Variants in NAV1 observed in about 807,000 individuals in gnomAD.
NAV1 encodes neuron navigator 1, also known as pore membrane and/or filament interacting like protein 3.
A neutral mutation model predicts 175.2 loss-of-function variants in NAV1; 18 were observed. That is an observed-to-expected ratio of 0.10 (90% CI 0.07 to 0.15). NAV1 has a LOEUF of 0.15. NAV1 is among the 10% of genes least tolerant of loss of function. The probability of loss-of-function intolerance (pLI) is 1.00; values close to 1 mark genes in which losing one functional copy is unlikely to be tolerated. For missense variants in NAV1, 1,731 were observed against 2,436.6 expected (o/e 0.71, Z 6.10); for synonymous variants, 897 against 978.7 (o/e 0.92, Z 1.56).
At chr1:201,744,222 C>T (rs1673617983) in intron 3 of NAV1, among the ~76,000 whole-genome samples, 1 of 152,234 alleles carries the variant, frequency 6.6e-6, no homozygotes, top group Non-Finnish European at 1.5e-5. Flanking sequence ...GTTCATTTAA[C>T]CTTTCCTCCC....
intron 3 of NAV1, among the ~76,000 whole-genome samples, chr1:201,767,251 G>A (rs1675264288): frequency 6.6e-6 from 1 of 151,908 alleles, no homozygotes; most frequent in South Asian, 2.1e-4. Context: ...AGGAGTTTGA[G>A]ACCAGCCTGG....
intron 16 of NAV1, chr1:201,803,915 CT>C: frequency 1.6e-6 from 1 of 642,558 alleles, no homozygotes; most frequent in South Asian, 1.6e-5. Flanking sequence ...AAGGCCACCC[CT>C]CTGACCTTTA....
At chr1:201,722,187 T>C (rs956703524) in intron 3 of NAV1, among the ~76,000 whole-genome samples, 1 of 152,184 alleles carries the variant, frequency 6.6e-6, no homozygotes, top group Non-Finnish European at 1.5e-5. Context: ...TGTGTAACCA[T>C]CATCACGTCC....
intron 1 of NAV1, among the ~76,000 whole-genome samples, chr1:201,664,459 T>C (rs982598885): frequency 1.3e-5 from 2 of 152,258 alleles, no homozygotes; most frequent in Non-Finnish European, 2.9e-5. Context: ...AAATAATATC[T>C]GTCTCATAGG....
chr1:201,774,619 C>T (rs1373763017), intron 3 of NAV1, among the ~76,000 whole-genome samples: 3 of 152,010 alleles, frequency 2.0e-5, no homozygotes, highest in Non-Finnish European at 2.9e-5. Context: ...AGCAAGACCC[C>T]ATCTCAAAAA....
chr1:201,674,898 G>T (rs902306752), intron 1 of NAV1, among the ~76,000 whole-genome samples: 4 of 151,966 alleles, frequency 2.6e-5, no homozygotes, highest in African/African-American at 9.7e-5. Flanking sequence ...CACATAGCTG[G>T]GTGTGGTGGC....
intron 1 of NAV1, among the ~76,000 whole-genome samples, chr1:201,556,574 A>G (rs1666022149): frequency 6.6e-6 from 1 of 152,112 alleles, no homozygotes; most frequent in South Asian, 2.1e-4. Context: ...GGCTTGCAGG[A>G]ATTAAGTCAG....
At chr1:201,645,562 T>C (rs1430262821), upstream of NAV1, among the ~76,000 whole-genome samples, 1 of 151,800 alleles carries the variant, frequency 6.6e-6, no homozygotes, top group Admixed American at 6.6e-5. Context: ...AATAATAAAA[T>C]AAAATAAAAT....
chr1:201,607,870 TTGTGTGTGTGTG>T (rs57110688), intron 2 of NAV1, among the ~76,000 whole-genome samples: 47 of 138,274 alleles, frequency 3.4e-4, no homozygotes, highest in Admixed American at 1.1e-3. Context: ...GATAACTTTA[TTGTGTGTGTGTG>T]TGTGTGTGTG....
chr1:201,631,070 G>A (rs780848356), intron 2 of NAV1, among the ~76,000 whole-genome samples: 4 of 152,154 alleles, frequency 2.6e-5, no homozygotes, highest in Non-Finnish European at 2.9e-5. Flanking sequence ...GGGTACCTCT[G>A]GGGGGACAGA....
intron 1 of NAV1, among the ~76,000 whole-genome samples, chr1:201,670,471 A>G (rs1669996966): frequency 6.6e-6 from 1 of 151,838 alleles, no homozygotes; most frequent in Admixed American, 6.6e-5. Flanking sequence ...AGCTCAGGAA[A>G]GATGGAGGAG....
At chr1:201,715,243 C>T (rs144316999) in intron 2 of NAV1, among the ~76,000 whole-genome samples, 1,833 of 150,604 alleles carry the variant, frequency 0.012, 32 homozygotes, top group African/African-American at 0.042. Flanking sequence ...CTCACTGCAA[C>T]CTCTGTCTCC....
At chr1:201,622,918 C>G (rs911752158), upstream of NAV1, 16 of 986,226 alleles carry the variant, frequency 1.6e-5, no homozygotes, top group African/African-American at 2.6e-4. Flanking sequence ...TCCCGCCAGC[C>G]GCCCTCACTA....
intron 2 of NAV1, among the ~76,000 whole-genome samples, chr1:201,604,900 G>A (rs962950837): frequency 2.0e-5 from 3 of 152,016 alleles, no homozygotes; most frequent in Admixed American, 2.0e-4. Flanking sequence ...TGACACTAAA[G>A]CCCACGCTCT....
chr1:201,598,431 G>T (rs1375968456), intron 2 of NAV1, among the ~76,000 whole-genome samples: 1 of 152,176 alleles, frequency 6.6e-6, no homozygotes, highest in Non-Finnish European at 1.5e-5. Context: ...ACCACAATTC[G>T]ATCAGGTCTT....
chr1:201,721,559 C>G (rs1289555991), intron 3 of NAV1, among the ~76,000 whole-genome samples: 2 of 152,236 alleles, frequency 1.3e-5, no homozygotes, highest in African/African-American at 4.8e-5. Flanking sequence ...TGGTTTCCAT[C>G]TAGATGTTAT....
At chr1:201,576,149 C>T (rs1429584435) in intron 1 of NAV1, among the ~76,000 whole-genome samples, 6 of 152,184 alleles carry the variant, frequency 3.9e-5, no homozygotes, top group South Asian at 2.1e-4. Flanking sequence ...TTTAAAGGCA[C>T]GCCCACTTCT....
At chr1:201,687,985 A>G (rs1025157058) in intron 1 of NAV1, among the ~76,000 whole-genome samples, 6 of 152,244 alleles carry the variant, frequency 3.9e-5, no homozygotes, top group Non-Finnish European at 8.8e-5. Context: ...CAGCCATTTG[A>G]TTTCTAATTG....
At chr1:201,612,370 C>T (rs916697171) in intron 2 of NAV1, among the ~76,000 whole-genome samples, 2 of 152,184 alleles carry the variant, frequency 1.3e-5, no homozygotes, top group Admixed American at 1.3e-4. Context: ...GGGAGGATTG[C>T]TTGAGCCCAG....
Sources: allele counts gnomAD v4.1 joint callset (sites outside exome capture counted in the v4.1 genomes callset), GRCh38; gene constraint gnomAD v4.1.1; transcripts MANE v1.5; gene names NCBI Gene and HGNC (gene_info 2026-07-23, HGNC 2026-07-21).